Variants in ACVR1C observed in about 807,000 individuals in gnomAD.
ACVR1C encodes the protein activin receptor type-1C.
ACVR1C carries 23 observed loss-of-function variants against 57.9 expected under a neutral mutation model. The observed-to-expected ratio is 0.40, with a 90% CI of 0.29 to 0.56. ACVR1C has a LOEUF of 0.56. Among genes scored for constraint, ACVR1C ranks in the 20% least tolerant of loss-of-function variants. ACVR1C has a pLI of 0.50. For synonymous variants in ACVR1C, 214 were observed against 215.3 expected (o/e 0.99, Z 0.05); for missense variants, 480 against 607.9 (o/e 0.79, Z 2.21).
chr2:157,580,799 C>T (rs973777223), intron 2 of ACVR1C, among the ~76,000 whole-genome samples: 3 of 151,280 alleles, frequency 2.0e-5, no homozygotes, highest in Non-Finnish European at 4.4e-5. Flanking sequence ...ATATGGTTCC[C>T]GAAACAGTGA....
chr2:157,628,568 G>A lies in ACVR1C; in HGVS notation c.73+4C>T, dbSNP rs937019838. On this transcript the variant is annotated splice_donor_region_variant and intron_variant, in intron 1 of 8. Transcript: ENST00000243349. Reference sequence around the variant, plus strand: ...GGGCGTCGGGAGAGAAACCAGCACCGTACCTGGCGAGAGCTCGGCGGCCGC... The same window carrying A: ...GGGCGTCGGGAGAGAAACCAGCACCATACCTGGCGAGAGCTCGGCGGCCGC... The A allele has an allele frequency of 6.2e-7, 1 of 1,607,258 alleles. No individual in the cohort carries two copies. Among genetic ancestry groups the A allele is most frequent in the Non-Finnish European group, 8.5e-7 (1 of 1,177,450 alleles).
intron 6 of ACVR1C, 45 bp from the exon 7 acceptor site, chr2:157,541,259 C>T (rs1687620272): frequency 6.3e-7 from 1 of 1,574,872 alleles, no homozygotes; most frequent in Non-Finnish European, 8.6e-7. Flanking sequence ...GACTTTATAG[C>T]AGTCCAGTAA....
intron 4 of ACVR1C, among the ~76,000 whole-genome samples, chr2:157,549,263 G>T (rs1403966670): frequency 6.6e-6 from 1 of 152,194 alleles, no homozygotes; most frequent in Non-Finnish European, 1.5e-5. Flanking sequence ...TACTTGGGAG[G>T]CTGAGGCAGG....
intron 1 of ACVR1C, chr2:157,597,701 C>A (rs911160733): frequency 1.7e-5 from 6 of 363,196 alleles, no homozygotes; most frequent in African/African-American, 1.3e-4. Flanking sequence ...ACCTGTGTGT[C>A]TTTAAAATAA....
chr2:157,533,724 T>C lies in ACVR1C; in HGVS notation c.*194A>G. On this transcript the variant is annotated 3_prime_UTR_variant, in exon 9 of 9. Transcript: ENST00000243349. ...TTTCAAAATAAAATTAAACATAACATAGAGATTGGATGAAGTCAACTCCTG... is the reference window on the plus strand; with the variant it reads ...TTTCAAAATAAAATTAAACATAACACAGAGATTGGATGAAGTCAACTCCTG... The C allele has an allele frequency of 5.6e-6, 2 of 357,688 alleles. No homozygotes were observed. The highest frequency in any genetic ancestry group is 9.7e-6 in the Non-Finnish European group (2 of 206,642). 22.2% of individuals were successfully genotyped at this position (357,688 alleles called of 1,614,324 possible). A position where few individuals can be genotyped will look rare whatever the true frequency, so the allele number is the denominator to read the frequency against.
chr2:157,608,232 G>C (rs769595224), intron 1 of ACVR1C, among the ~76,000 whole-genome samples: 21 of 151,770 alleles, frequency 1.4e-4, no homozygotes, highest in Non-Finnish European at 2.7e-4. Flanking sequence ...TTCTGCATCT[G>C]TTGAAATAAT....
chr2:157,556,621 C>A (rs1339892564), intron 2 of ACVR1C, among the ~76,000 whole-genome samples: 1 of 143,780 alleles, frequency 7.0e-6, no homozygotes, highest in Non-Finnish European at 1.5e-5. Flanking sequence ...TCACTCTTTT[C>A]TGTCTACTAT....
At chr2:157,548,670 C>T (rs1687829435) in intron 4 of ACVR1C, among the ~76,000 whole-genome samples, 1 of 151,924 alleles carries the variant, frequency 6.6e-6, no homozygotes, top group Admixed American at 6.6e-5. Flanking sequence ...GAAAAACAAG[C>T]AATGGGGAAA....
At chr2:157,594,762 G>A (rs1011519782) in intron 1 of ACVR1C, among the ~76,000 whole-genome samples, 24 of 152,202 alleles carry the variant, frequency 1.6e-4, no homozygotes, top group Admixed American at 1.5e-3. Flanking sequence ...ACTCAAAATA[G>A]CACCACACTT....
chr2:157,599,845 GA>G (rs1428070215), intron 1 of ACVR1C, among the ~76,000 whole-genome samples: 7 of 152,146 alleles, frequency 4.6e-5, no homozygotes, highest in African/African-American at 1.7e-4. Flanking sequence ...CCTGTGTAAA[GA>G]AAAAACACCA....
intron 2 of ACVR1C, among the ~76,000 whole-genome samples, chr2:157,572,366 T>TAA (rs35364996): frequency 9.3e-4 from 118 of 126,586 alleles, no homozygotes; most frequent in East Asian, 3.9e-3. Flanking sequence ...TAGAGTATAA[T>TAA]AAAAAAAAAA....
At chr2:157,627,097 G>C (rs1682912932) in intron 1 of ACVR1C, among the ~76,000 whole-genome samples, 1 of 152,110 alleles carries the variant, frequency 6.6e-6, no homozygotes, top group African/African-American at 2.4e-5. Context: ...AATTGAATCT[G>C]TTTTGTAGAA....
At chr2:157,559,254 T>C (rs1034391410) in intron 2 of ACVR1C, among the ~76,000 whole-genome samples, 2 of 152,184 alleles carry the variant, frequency 1.3e-5, no homozygotes, top group Non-Finnish European at 2.9e-5. Flanking sequence ...GTGAACAAAT[T>C]TACCGATATG....
chr2:157,564,525 A>G (rs1399109558), intron 2 of ACVR1C, among the ~76,000 whole-genome samples: 1 of 152,218 alleles, frequency 6.6e-6, no homozygotes, highest in South Asian at 2.1e-4. Flanking sequence ...AATTAGCTCA[A>G]CCACTGTAGA....
intron 2 of ACVR1C, among the ~76,000 whole-genome samples, chr2:157,577,080 C>A (rs1373897982): frequency 7.7e-6 from 1 of 130,552 alleles, no homozygotes; most frequent in East Asian, 2.1e-4. Context: ...TGGTCTCGAT[C>A]TCCTGACCTC....
chr2:157,620,583 A>T (rs1338427355), intron 1 of ACVR1C, among the ~76,000 whole-genome samples: 2 of 151,968 alleles, frequency 1.3e-5, no homozygotes, highest in Non-Finnish European at 2.9e-5. Flanking sequence ...CGTATGCATT[A>T]AAAAAAATTT....
intron 2 of ACVR1C, among the ~76,000 whole-genome samples, chr2:157,574,451 G>T (rs1688596132): frequency 6.6e-6 from 1 of 152,170 alleles, no homozygotes; most frequent in South Asian, 2.1e-4. Context: ...TTAGAGGTTA[G>T]AATTTCAACA....
rs973442897 is a variant in ACVR1C at position 157,628,636 on chromosome 2, C to G, written c.9G>C (p.Arg3=). MT[R]ALCSALRQAL... is the part of the protein sequence containing the mutation. ...CCTGGCGGAGCGCTGAGCAGAGCGC[C>G]CGGGTCATCGCCACCAGGCGGCCGC... Residue 3 remains arginine, a synonymous_variant, in exon 1 of 9, where the codon CGG becomes CGC. Transcript: ENST00000243349. The G allele has an allele frequency of 6.3e-7, 1 of 1,584,646 alleles. No individual in the cohort carries two copies. The highest frequency in any genetic ancestry group is 1.4e-5 in the African/African-American group (1 of 73,884).
At chr2:157,576,447 G>A (rs1412444448) in intron 2 of ACVR1C, among the ~76,000 whole-genome samples, 3 of 151,760 alleles carry the variant, frequency 2.0e-5, no homozygotes, top group Non-Finnish European at 2.9e-5. Flanking sequence ...CTTGGATTCC[G>A]CCTGCCTCAG....
Sources: gnomAD v4.1 joint callset for allele counts (sites outside exome capture counted in the v4.1 genomes callset) on GRCh38, gnomAD v4.1.1 for gene constraint, MANE v1.5 for transcripts, NCBI Gene and HGNC (gene_info 2026-07-23, HGNC 2026-07-21) for gene names.